COQ2: variants seen among roughly 807,000 people sequenced by gnomAD.
COQ2 encodes 4-hydroxybenzoate polyprenyltransferase, mitochondrial.
In COQ2, 25 loss-of-function variants were observed where a neutral mutation model predicts 35.7. The ratio of observed to expected loss-of-function variants is 0.70; its 90% confidence interval spans 0.51 to 0.98. COQ2 has a LOEUF of 0.98. COQ2 is among the 50% of genes least tolerant of loss of function. The pLI is 0.00. For missense variants in COQ2, 488 were observed against 473.5 expected, an observed-to-expected ratio of 1.03 and a Z score of -0.28; for synonymous variants, 206 against 186.2, an observed-to-expected ratio of 1.11 and a Z score of -0.86.
rs1279731084 is a variant in COQ2 at position 83,284,686 on chromosome 4, G to C, written c.79C>G (p.Arg27Gly). Reference protein sequence around the residue: ...ALAWLPGWRGRSFALARAAGA... With the variant: ...ALAWLPGWRGGSFALARAAGA... ...GCCGCACGCGCCAGGGCGAAGGAGC[G>C]GCCCCGCCAGCCCGGCAGCCACGCC... Residue 27 changes from arginine to glycine, a missense_variant, in exon 1 of 7, where the codon CGC becomes GGC. By Grantham distance (125) the Arg-to-Gly change is moderately radical. Transcript: ENST00000647002. The C allele has an allele frequency of 1.0e-5, 15 of 1,472,372 alleles. No individual in the cohort carries two copies. In the East Asian group the frequency reaches 1.2e-4, roughly 11 times the overall value. 91.2% of individuals were successfully genotyped at this position (1,472,372 alleles called of 1,614,324 possible).
Position 83,264,306 on chromosome 4 carries a change from G to A in COQ2, c.1009C>T (p.Arg337Ter), listed in dbSNP as rs751185256. ...EDCWNKFISN[R>*]TLGLIVFLGI... ...AAAAAAACTATTAGTCCCAGTGTTC[G>A]GTTGGAGATAAATTTATTCCAACAA... is the stretch of plus-strand genomic sequence containing the variant. Residue 337 changes from arginine to a stop codon, truncating the protein, a stop_gained, in exon 7 of 7, where the codon CGA (arginine) becomes TGA (stop). Transcript: ENST00000647002. LOFTEE classifies it low-confidence loss of function (END_TRUNC). 14 of 1,611,650 alleles carry A rather than the reference G, an allele frequency of 8.7e-6. No homozygotes were observed. Among genetic ancestry groups the A allele is most frequent in the Admixed American group, 1.7e-5 (1 of 59,698 alleles).
intron 1 of COQ2, chr4:83,284,145 C>G: frequency 1.0e-6 from 1 of 985,420 alleles, no homozygotes; most frequent in Non-Finnish European, 1.2e-6. Flanking sequence ...GAGAACGGAA[C>G]CTTCCGCTTG....
At chr4:83,267,535 T>C in intron 6 of COQ2, 51 bp downstream of exon 6, 1 of 1,471,778 alleles carries the variant, frequency 6.8e-7, no homozygotes, top group Non-Finnish European at 9.1e-7. Flanking sequence ...TAAATAATTT[T>C]TATAATTTAT....
upstream of COQ2, chr4:83,284,882 T>G: frequency 6.6e-7 from 1 of 1,524,714 alleles, no homozygotes; most frequent in South Asian, 1.2e-5. Flanking sequence ...GGGCAGAACC[T>G]TTCCTCATCC....
In COQ2 at chr4:83,264,340, T is replaced by C; in HGVS notation, c.975A>G (p.Arg325=). The C allele has an allele frequency of 6.2e-7, 1 of 1,610,288 alleles. No individual in the cohort carries two copies. The highest frequency in any genetic ancestry group is 8.5e-7 in the Non-Finnish European group (1 of 1,178,172). ...THQIYTLDIH[R]PEDCWNKFIS... Reference sequence around the variant, plus strand: ...TAAATTTATTCCAACAATCCTCAGGTCTGTGGATGTCTAGAGTGTAAATCT... The same window carrying C: ...TAAATTTATTCCAACAATCCTCAGGCCTGTGGATGTCTAGAGTGTAAATCT... The change falls in exon 7 of 7, where the codon AGA becomes AGG. Residue 325 remains arginine (R), a synonymous_variant. Coordinates refer to ENST00000647002, the MANE Select transcript of COQ2 (RefSeq NM_001358921.2).
At chr4:83,271,445 C>T (rs1273315708) in intron 4 of COQ2, among the ~76,000 whole-genome samples, 1 of 152,128 alleles carries the variant, frequency 6.6e-6, no homozygotes, top group Non-Finnish European at 1.5e-5. Flanking sequence ...GCTTCCTACC[C>T]CATCCCCCAA....
At chr4:83,272,237 T>A in intron 3 of COQ2, 65 bp from the exon 4 acceptor site, 1 of 892,930 alleles carries the variant, frequency 1.1e-6, no homozygotes, top group Non-Finnish European at 1.7e-6. Flanking sequence ...CGAAATACTT[T>A]AAGACAATGA....
intron 4 of COQ2, 150 bp from the exon 5 acceptor site, chr4:83,270,143 A>T: frequency 2.7e-6 from 2 of 731,086 alleles, no homozygotes; most frequent in Non-Finnish European, 2.1e-6. Context: ...AACCCTTTCA[A>T]CTCTCGGTGG....
In COQ2 at chr4:83,265,757, A is replaced by G. The variant is rs190494851; in HGVS notation, c.952-1394T>C. On this transcript the variant is annotated intron_variant, in intron 6 of 6. Transcript: ENST00000647002. Reference sequence around the variant, plus strand: ...TGGCTCACTGTAACCTCTGCCTCCCAGGTTTCAAGTGATTCTCCTGCCTCA... The same window carrying G: ...TGGCTCACTGTAACCTCTGCCTCCCGGGTTTCAAGTGATTCTCCTGCCTCA... 7.7e-3 allele frequency among the ~76,000 whole-genome samples: 1,173 copies of G among 151,788 alleles called. 13 individuals carry two copies. The highest frequency in any genetic ancestry group is 0.027 in the African/African-American group (1,109 of 41,398).
At position 83,264,160 on chromosome 4, in the gene COQ2, T is replaced by TA; in HGVS notation, c.*38dup. ...TGTATTCAAATCTAATTATATTTTG[T>TA]AAAAAATGTTTTAAAAATTCCTAGA... On this transcript the variant is annotated 3_prime_UTR_variant, in exon 7 of 7. Coordinates refer to ENST00000647002, the MANE Select transcript of COQ2 (RefSeq NM_001358921.2). The TA allele has an allele frequency of 1.0e-6, 1 of 997,966 alleles. No individual in the cohort carries two copies. Among genetic ancestry groups the TA allele is most frequent in the African/African-American group, 1.7e-5 (1 of 58,872 alleles). 61.8% of individuals were successfully genotyped at this position (997,966 alleles called of 1,614,324 possible). A position where few individuals can be genotyped will look rare whatever the true frequency, so the allele number is the denominator to read the frequency against.
Position 83,264,304 on chromosome 4 carries a change from T to G in COQ2, c.1011A>C (p.Arg337=), listed in dbSNP as rs1402733243. Residue 337 remains arginine, a synonymous_variant, in exon 7 of 7, where the codon CGA becomes CGC. Coordinates refer to ENST00000647002, the MANE Select transcript of COQ2 (RefSeq NM_001358921.2). ...CTAAAAAAACTATTAGTCCCAGTGT[T>G]CGGTTGGAGATAAATTTATTCCAAC... ...EDCWNKFISN[R]TLGLIVFLGI... is the part of the protein sequence containing the mutation. 4 of 1,612,532 alleles carry G rather than the reference T, an allele frequency of 2.5e-6. No homozygotes were observed. The highest frequency in any genetic ancestry group is 3.4e-6 in the Non-Finnish European group (4 of 1,179,488).
intron 1 of COQ2, among the ~76,000 whole-genome samples, chr4:83,280,245 A>G (rs1255232334): frequency 6.6e-6 from 1 of 152,230 alleles, no homozygotes; most frequent in East Asian, 1.9e-4. Flanking sequence ...TTCAAATATG[A>G]ACTTTAATAT....
chr4:83,270,396 A>G (rs1205514212), intron 4 of COQ2, among the ~76,000 whole-genome samples: 1 of 152,018 alleles, frequency 6.6e-6, no homozygotes, highest in Non-Finnish European at 1.5e-5. Context: ...TGCCTCCCCT[A>G]TCAGCTACTG....
chr4:83,277,077 C>T (rs1198868407), intron 2 of COQ2, among the ~76,000 whole-genome samples: 2 of 152,066 alleles, frequency 1.3e-5, no homozygotes, highest in African/African-American at 4.8e-5. Flanking sequence ...TGAAATACTG[C>T]CCATTAGGTC....
intron 1 of COQ2, chr4:83,284,096 G>T (rs1029815786): frequency 1.0e-6 from 1 of 985,282 alleles, no homozygotes. Flanking sequence ...ACAAGATTGC[G>T]GGGAGGATCA....
intron 1 of COQ2, chr4:83,283,249 G>A: frequency 2.0e-6 from 2 of 984,794 alleles, no homozygotes; most frequent in Non-Finnish European, 2.4e-6. Flanking sequence ...TGGAGTAAAT[G>A]TACCTAGGCC....
Position 83,284,628 on chromosome 4 carries a change from G to C in COQ2, c.137C>G (p.Pro46Arg), listed in dbSNP as rs566165293. 1.3e-6 allele frequency: 2 copies of C among 1,514,560 alleles called. No homozygotes were observed. The highest frequency in any genetic ancestry group is 1.8e-6 in the Non-Finnish European group (2 of 1,133,108). 93.8% of individuals were successfully genotyped at this position (1,514,560 alleles called of 1,614,324 possible). ...GAPHGGDLQP[P>R]ACPEPRGRQL... is the part of the protein sequence containing the mutation. ...GCGCCCGCGCGGCTCGGGACAGGCG[G>C]GGGGCTGCAAGTCACCACCGTGGGG... Residue 46 changes from proline (P) to arginine (R), a missense_variant, in exon 1 of 7, where the codon CCC becomes CGC. By Grantham distance (103) the Pro-to-Arg change is moderately radical (BLOSUM62 -2). Transcript: ENST00000647002.
intron 1 of COQ2, 22 bp downstream of exon 1, chr4:83,284,490 C>A: frequency 6.4e-7 from 1 of 1,551,862 alleles, no homozygotes; most frequent in Non-Finnish European, 8.7e-7. Context: ...AATTCCCGGG[C>A]TGCCCGCCCG....
At position 83,265,934 on chromosome 4, in the gene COQ2, G is replaced by A. The variant is rs147240542; in HGVS notation, c.952-1571C>T. ...CCCACCTCGGCCTCCCAAAGTGTTG[G>A]GATTACAGGCGTGAGCCACTGCGCC... On this transcript the variant is annotated intron_variant, in intron 6 of 6. Transcript: ENST00000647002. Among the ~76,000 whole-genome samples, 806 of 152,154 alleles carry A rather than the reference G, an allele frequency of 5.3e-3. 8 individuals are homozygous for A. The highest frequency in any genetic ancestry group is 0.017 in the African/African-American group (704 of 41,492).
Sources: allele counts gnomAD v4.1 joint callset (sites outside exome capture counted in the v4.1 genomes callset), GRCh38; gene constraint gnomAD v4.1.1; transcripts MANE v1.5; gene names NCBI Gene and HGNC (gene_info 2026-07-23, HGNC 2026-07-21).